RAD18: variants seen among roughly 807,000 people sequenced by gnomAD.
RAD18 encodes RAD18 E3 ubiquitin protein ligase, also known as E3 ubiquitin-protein ligase RAD18.
Under a neutral mutation model 60.4 loss-of-function variants are expected in RAD18, and 47 were observed. The observed-to-expected ratio is 0.78, with a 90% CI of 0.62 to 0.99. RAD18 has a LOEUF of 0.99. Ranked by LOEUF, RAD18 falls within the 50% of genes least tolerant of loss-of-function variation. The pLI is 0.00. For missense variants in RAD18, 640 were observed against 593.3 expected, an observed-to-expected ratio of 1.08 and a Z score of -0.82; for synonymous variants, 225 against 195.5, an observed-to-expected ratio of 1.15 and a Z score of -1.26.
chr3:8,891,088 A>ATC (rs1180135450), intron 11 of RAD18, among the ~76,000 whole-genome samples: 4 of 149,928 alleles, frequency 2.7e-5, no homozygotes, highest in African/African-American at 9.8e-5. Context: ...ATATATATAT[A>ATC]TATATATATC....
At chr3:8,887,207 A>C (rs34003290) in intron 12 of RAD18, among the ~76,000 whole-genome samples, 26,256 of 152,238 alleles carry the variant, frequency 0.17, 2,601 homozygotes, top group African/African-American at 0.27. Context: ...GGAGTTCACT[A>C]ATCTGTAGTC....
At chr3:8,883,879 G>C (rs1166192922) in intron 12 of RAD18, among the ~76,000 whole-genome samples, 2 of 152,116 alleles carry the variant, frequency 1.3e-5, no homozygotes, top group Non-Finnish European at 2.9e-5. Flanking sequence ...GCCTCTAATT[G>C]CTTTCAACAA....
chr3:8,913,570 G>A, intron 8 of RAD18, 74 bp downstream of exon 8: 1 of 1,058,498 alleles, frequency 9.4e-7, no homozygotes, highest in Non-Finnish European at 1.3e-6. Context: ...TTTAATAATG[G>A]CTTGCTTTAA....
intron 4 of RAD18, 145 bp from the exon 5 acceptor site, chr3:8,941,949 A>G (rs1269420677): frequency 1.4e-6 from 1 of 719,234 alleles, no homozygotes; most frequent in South Asian, 2.0e-5. Flanking sequence ...AGTTTCTTCT[A>G]GTATAACTCA....
chr3:8,894,367 C>T (rs1440742276), intron 11 of RAD18, among the ~76,000 whole-genome samples: 2 of 152,078 alleles, frequency 1.3e-5, no homozygotes, highest in African/African-American at 4.8e-5. Context: ...AGAGATGAAA[C>T]CAAGCAACAA....
intron 7 of RAD18, among the ~76,000 whole-genome samples, chr3:8,933,805 T>G (rs1209181468): frequency 2.0e-5 from 3 of 152,140 alleles, no homozygotes; most frequent in Non-Finnish European, 4.4e-5. Flanking sequence ...ATTTAAAAAC[T>G]TATATGGAAA....
rs1441047302 is a variant in RAD18, at chr3:8,878,859, TAGAA to T, written c.*2494_*2497del. ...TATAACTTTGAGGGGAGTGAGGAGGTAGAAAGAGTTAATAACTCTGAATTACTGT... is the reference window on the plus strand; with the variant it reads ...TATAACTTTGAGGGGAGTGAGGAGGTAGAGTTAATAACTCTGAATTACTGT... On this transcript the variant is annotated 3_prime_UTR_variant, in exon 13 of 13. Coordinates refer to ENST00000264926, the MANE Select transcript of RAD18 (RefSeq NM_020165.4). 1 of 152,098 alleles carries T rather than the reference TAGAA, an allele frequency of 6.6e-6. No homozygotes were observed. The highest frequency in any genetic ancestry group is 1.9e-4 in the East Asian group (1 of 5,176). The allele number at this position is 152,098 out of a possible 1,614,324, so 9.4% of individuals were successfully genotyped here.
intron 11 of RAD18, among the ~76,000 whole-genome samples, chr3:8,891,047 C>T (rs898925605): frequency 6.2e-5 from 9 of 145,160 alleles, no homozygotes; most frequent in South Asian, 4.5e-4. Context: ...TACACATACA[C>T]GCACATGTAT....
intron 9 of RAD18, 119 bp from the exon 10 acceptor site, chr3:8,902,639 C>G: frequency 9.7e-7 from 1 of 1,025,680 alleles, no homozygotes; most frequent in Non-Finnish European, 1.4e-6. Context: ...CGCCTGTAAT[C>G]CCAGCACTTC....
chr3:8,902,346 C>T (rs761352058), intron 10 of RAD18, 34 bp downstream of exon 10: 34 of 1,445,842 alleles, frequency 2.4e-5, no homozygotes, highest in South Asian at 9.0e-5. Flanking sequence ...TAATGAAATT[C>T]GACATATGTC....
At chr3:8,916,415 C>T (rs1398730804) in intron 7 of RAD18, among the ~76,000 whole-genome samples, 1 of 152,144 alleles carries the variant, frequency 6.6e-6, no homozygotes, top group Non-Finnish European at 1.5e-5. Context: ...TGGAGAGAGA[C>T]CCTCTCTGAG....
intron 11 of RAD18, among the ~76,000 whole-genome samples, chr3:8,891,149 C>T (rs1294632319): frequency 4.6e-5 from 7 of 151,526 alleles, no homozygotes; most frequent in African/African-American, 9.7e-5. Context: ...CCCACCCCCA[C>T]GAAAAACAAA....
Position 8,961,210 on chromosome 3 carries a change from A to C in RAD18, c.51+2125T>G, listed in dbSNP as rs552382832. On this transcript the variant is annotated intron_variant, in intron 1 of 12. Transcript: ENST00000264926. ...TCTGGTTCAAATTTCTTGTCATGTC[A>C]CTCCAAGACAGTAACATGCATATCA... Among the ~76,000 whole-genome samples the C allele has an allele frequency of 2.6e-5, 4 of 152,284 alleles. No homozygotes were observed. In the East Asian group the frequency reaches 7.7e-4, roughly 29 times the overall value.
At position 8,913,796 on chromosome 3, in the gene RAD18, T is replaced by C. The variant is rs1411299258; in HGVS notation, c.890-76A>G. The stretch of plus-strand genomic sequence containing the variant: ...CACTGTACAATAATTATTTAAGTTG[T>C]TAACATTAGAAGAAGATGGGTGATG... On this transcript the variant is annotated intron_variant, in intron 7 of 12. Coordinates refer to ENST00000264926, the MANE Select transcript of RAD18 (RefSeq NM_020165.4). 3.1e-6 allele frequency: 3 copies of C among 973,206 alleles called. No individual in the cohort carries two copies. The African/African-American group carries it at 5.1e-5, about 16-fold the overall frequency. The allele number at this position is 973,206 out of a possible 1,614,324, so 60.3% of individuals were successfully genotyped here. A position where few individuals can be genotyped will look rare whatever the true frequency, so the allele number is the denominator to read the frequency against.
chr3:8,931,809 G>C (rs1199864830), intron 7 of RAD18, among the ~76,000 whole-genome samples: 2 of 152,164 alleles, frequency 1.3e-5, no homozygotes, highest in Non-Finnish European at 2.9e-5. Context: ...ATATAGATCA[G>C]TGGAACAGAA....
At chr3:8,901,240 A>G (rs1264183886) in intron 10 of RAD18, among the ~76,000 whole-genome samples, 3 of 152,226 alleles carry the variant, frequency 2.0e-5, no homozygotes, top group Non-Finnish European at 2.9e-5. Context: ...AATGTAAGAT[A>G]ATGCAGCCAC....
rs776781540 is a variant in RAD18 at position 8,890,496 on chromosome 3, G to A, written c.1323-45C>T. 1.1e-5 allele frequency: 15 copies of A among 1,391,386 alleles called. No homozygotes were observed. In the East Asian group the frequency reaches 2.7e-4, roughly 25 times the overall value. 86.2% of individuals were successfully genotyped at this position (1,391,386 alleles called of 1,614,324 possible). On this transcript the variant is annotated intron_variant, in intron 11 of 12. Transcript: ENST00000264926. Reference sequence around the variant, plus strand: ...AGTATTGACAGACAACAAGAAGACTGTATCGTCCCATTTATATAAAATTCT... The same window carrying A: ...AGTATTGACAGACAACAAGAAGACTATATCGTCCCATTTATATAAAATTCT...
At position 8,881,407 on chromosome 3, in the gene RAD18, C is replaced by G; in HGVS notation, c.1438G>C (p.Ala480Pro). 6.2e-7 allele frequency: 1 copy of G among 1,613,460 alleles called. No homozygotes were observed. Among genetic ancestry groups the G allele is most frequent in the Non-Finnish European group, 8.5e-7 (1 of 1,179,402 alleles). ...ISPRQNRRTR[A>P]AESAEIEPRN... ...GGTTCAATCTCAGCACTTTCAGCGGCTCTTGTGCGGCGATTCTGTCTTGGA... is the reference window on the plus strand; with the variant it reads ...GGTTCAATCTCAGCACTTTCAGCGGGTCTTGTGCGGCGATTCTGTCTTGGA... The change falls in exon 13 of 13, where the codon GCC becomes CCC. Residue 480 changes from alanine to proline, a missense_variant. Ala to Pro is a conservative substitution (Grantham distance 27, BLOSUM62 -1). Coordinates refer to ENST00000264926, the MANE Select transcript of RAD18 (RefSeq NM_020165.4).
At chr3:8,898,742 G>A in intron 11 of RAD18, 152 bp downstream of exon 11, 1 of 646,510 alleles carries the variant, frequency 1.5e-6, no homozygotes, top group South Asian at 3.0e-5. Context: ...TGTTATCACT[G>A]TGAAGAAGAC....
Sources: allele counts gnomAD v4.1 joint callset (sites outside exome capture counted in the v4.1 genomes callset), GRCh38; gene constraint gnomAD v4.1.1; transcripts MANE v1.5; gene names NCBI Gene and HGNC (gene_info 2026-07-23, HGNC 2026-07-21).